The following RAPGEF5 variants were observed in gnomAD, a reference collection of about 807,000 sequenced individuals.
RAPGEF5 encodes the protein M-Ras-regulated GEF.
A neutral mutation model predicts 125.2 loss-of-function variants in RAPGEF5; 65 were observed. That is an observed-to-expected ratio of 0.52 (90% CI 0.43 to 0.64). The LOEUF (loss-of-function observed/expected upper bound fraction) is 0.64. Among genes scored for constraint, RAPGEF5 ranks in the 30% least tolerant of loss-of-function variants. The pLI, the probability that RAPGEF5 is intolerant of heterozygous loss-of-function variation, is 0.00. For missense variants in RAPGEF5, 958 were observed against 1,048.1 expected (o/e 0.91, Z 1.19); for synonymous variants, 391 against 385.9 (o/e 1.01, Z -0.16).
At chr7:22,351,502 T>C (rs752735520) in intron 1 of RAPGEF5, among the ~76,000 whole-genome samples, 2 of 152,138 alleles carry the variant, frequency 1.3e-5, no homozygotes, top group Non-Finnish European at 2.9e-5. Context: ...ACAGGATACA[T>C]AGATGCAAAC....
chr7:22,136,600 AG>A (rs113980579), intron 22 of RAPGEF5, among the ~76,000 whole-genome samples: 1 of 152,200 alleles, frequency 6.6e-6, no homozygotes, highest in Non-Finnish European at 1.5e-5. Flanking sequence ...AAAGGAGAAA[AG>A]GGAAAAAGAA....
intron 11 of RAPGEF5, among the ~76,000 whole-genome samples, chr7:22,192,024 C>T (rs1785011931): frequency 6.6e-6 from 1 of 152,144 alleles, no homozygotes; most frequent in Non-Finnish European, 1.5e-5. Flanking sequence ...TTCAAAACAC[C>T]TGTGTAAAGC....
intron 1 of RAPGEF5, among the ~76,000 whole-genome samples, chr7:22,346,968 G>C (rs1784234979): frequency 6.6e-6 from 1 of 152,072 alleles, no homozygotes; most frequent in Admixed American, 6.6e-5. Flanking sequence ...TGACTCAAAG[G>C]CATGTCTATA....
intron 11 of RAPGEF5, among the ~76,000 whole-genome samples, chr7:22,174,673 T>C (rs1784451106): frequency 6.6e-6 from 1 of 152,160 alleles, no homozygotes; most frequent in Non-Finnish European, 1.5e-5. Context: ...GAAGGATCTT[T>C]GAATGCTAAA....
chr7:22,126,742 T>G (rs910744833), intron 24 of RAPGEF5, among the ~76,000 whole-genome samples: 2 of 135,788 alleles, frequency 1.5e-5, no homozygotes, highest in African/African-American at 5.6e-5. Context: ...GCCTCCTGAG[T>G]AGCTGGGATT....
intron 1 of RAPGEF5, among the ~76,000 whole-genome samples, chr7:22,337,287 TG>T (rs1339032818): frequency 2.6e-5 from 4 of 152,140 alleles, no homozygotes; most frequent in Non-Finnish European, 4.4e-5. Context: ...TGCTTCTGGC[TG>T]GGGATAACAG....
chr7:22,191,096 G>A (rs909693491), intron 11 of RAPGEF5, among the ~76,000 whole-genome samples: 11 of 152,068 alleles, frequency 7.2e-5, no homozygotes, highest in African/African-American at 2.4e-4. Context: ...TTACCTGACC[G>A]AGATAAAGAA....
intron 8 of RAPGEF5, among the ~76,000 whole-genome samples, chr7:22,228,072 A>T (rs1785963520): frequency 6.6e-6 from 1 of 152,186 alleles, no homozygotes; most frequent in African/African-American, 2.4e-5. Flanking sequence ...AAAAGCAATG[A>T]GATAGATGGT....
At chr7:22,300,249 T>C (rs1402945071) in intron 5 of RAPGEF5, among the ~76,000 whole-genome samples, 1 of 152,228 alleles carries the variant, frequency 6.6e-6, no homozygotes, top group African/African-American at 2.4e-5. Flanking sequence ...ATTCAACAAA[T>C]TTTTAATTTC....
rs574980818 is a variant in RAPGEF5 at position 22,160,506 on chromosome 7, T to C, written c.1526+12A>G. The C allele has an allele frequency of 1.3e-6, 2 of 1,536,572 alleles. No homozygotes were observed. The highest frequency in any genetic ancestry group is 4.9e-5 in the East Asian group (2 of 40,740). On this transcript the variant is annotated intron_variant, in intron 14 of 25. Transcript: ENST00000665637. ...CTTTCATTAACTATAATTAGGAAAA[T>C]GAAATACTTACTGACGACGGTGCAT...
At chr7:22,226,101 A>G (rs765010590) in intron 8 of RAPGEF5, among the ~76,000 whole-genome samples, 2 of 152,208 alleles carry the variant, frequency 1.3e-5, no homozygotes, top group African/African-American at 2.4e-5. Context: ...TAACTTTAAC[A>G]ACCACTTTTT....
chr7:22,125,253 T>C (rs1782700550), intron 25 of RAPGEF5: 1 of 214,456 alleles, frequency 4.7e-6, no homozygotes, highest in Non-Finnish European at 9.5e-6. Flanking sequence ...AGGTCACCCC[T>C]GCTAAACTCA....
chr7:22,182,085 G>A (rs182167875), intron 11 of RAPGEF5, among the ~76,000 whole-genome samples: 3 of 152,154 alleles, frequency 2.0e-5, no homozygotes, highest in Middle Eastern at 6.8e-3. Context: ...CACTTTATAC[G>A]ACTATCTGAA....
intron 5 of RAPGEF5, among the ~76,000 whole-genome samples, chr7:22,293,259 C>G (rs1036566454): frequency 1.3e-4 from 20 of 152,148 alleles, no homozygotes; most frequent in African/African-American, 4.6e-4. Flanking sequence ...ATTCCAGGAA[C>G]TTTATTTTCA....
chr7:22,139,275 T>C (rs927102221), intron 21 of RAPGEF5, among the ~76,000 whole-genome samples: 1 of 151,998 alleles, frequency 6.6e-6, no homozygotes, highest in Non-Finnish European at 1.5e-5. Context: ...GGCAGAGGCA[T>C]GATGCTTAAA....
chr7:22,181,974 C>T (rs1313390473), intron 11 of RAPGEF5, among the ~76,000 whole-genome samples: 1 of 152,158 alleles, frequency 6.6e-6, no homozygotes, highest in African/African-American at 2.4e-5. Context: ...TATGACATTA[C>T]ACCCTTTCAA....
At chr7:22,268,031 C>T (rs1358994040) in intron 6 of RAPGEF5, among the ~76,000 whole-genome samples, 1 of 152,088 alleles carries the variant, frequency 6.6e-6, no homozygotes, top group African/African-American at 2.4e-5. Context: ...CCTGAGACTC[C>T]ACATAGGACT....
At position 22,310,149 on chromosome 7, in the gene RAPGEF5, AC is replaced by A. The variant is rs201265543; in HGVS notation, c.390-60del. The stretch of plus-strand genomic sequence containing the variant: ...TTGCTGACATCCGTTTGCCAAAAAA[AC>A]AAAAATGATATATAATACCTTTCCT... On this transcript the variant is annotated intron_variant, in intron 3 of 25. Coordinates refer to ENST00000665637, the MANE Select transcript of RAPGEF5 (RefSeq NM_012294.5). 8,583 of 1,249,152 alleles carry A rather than the reference AC, an allele frequency of 6.9e-3. 25 individuals are homozygous for A. The highest frequency in any genetic ancestry group is 0.028 in the African/African-American group (1,814 of 63,972). The allele number at this position is 1,249,152 out of a possible 1,614,324, so 77.4% of individuals were successfully genotyped here.
intron 1 of RAPGEF5, among the ~76,000 whole-genome samples, chr7:22,340,557 A>G (rs182009631): frequency 3.3e-5 from 5 of 152,294 alleles, no homozygotes; most frequent in Admixed American, 2.0e-4. Context: ...AACAAGATGG[A>G]TTTGCGGGAA....
Sources: gnomAD v4.1 joint callset for allele counts (sites outside exome capture counted in the v4.1 genomes callset) on GRCh38, gnomAD v4.1.1 for gene constraint, MANE v1.5 for transcripts, NCBI Gene and HGNC (gene_info 2026-07-23, HGNC 2026-07-21) for gene names.